Variants in TEF observed in about 807,000 individuals in gnomAD.
TEF encodes the protein thyrotroph embryonic factor.
In TEF, 3 loss-of-function variants were observed where a neutral mutation model predicts 20.8. The observed-to-expected ratio is 0.14, with a 90% confidence interval of 0.07 to 0.37. TEF has a LOEUF of 0.37. TEF is among the 10% of genes least tolerant of loss of function. The pLI, the probability that TEF is intolerant of heterozygous loss-of-function variation, is 1.00. For missense variants in TEF, 296 were observed against 397.9 expected, an observed-to-expected ratio of 0.74 and a Z score of 2.18; for synonymous variants, 180 against 171.1, an observed-to-expected ratio of 1.05 and a Z score of -0.41.
At position 41,372,709 on chromosome 22, in the gene TEF, C is replaced by T. The variant is rs2036897037; in HGVS notation, c.67+5110C>T. On this transcript the variant is annotated intron_variant, in intron 1 of 3. Transcript: ENST00000406644. ...CCCGGGGTGAATGAAACCAACTCTA[C>T]TCTTGCTCCCCTGGTGTTTGGATTC... Among the ~76,000 whole-genome samples, 3 of 152,234 alleles carry T rather than the reference C, an allele frequency of 2.0e-5. No individual in the cohort carries two copies. In the South Asian group the frequency reaches 6.2e-4, roughly 32 times the overall value.
chr22:41,390,873 C>G (rs1382679213), intron 2 of TEF, among the ~76,000 whole-genome samples: 1 of 152,172 alleles, frequency 6.6e-6, no homozygotes, highest in African/African-American at 2.4e-5. Flanking sequence ...CCCCAGGCCT[C>G]TTTGCAAATT....
chr22:41,381,656 A>G (rs1057122714), upstream of TEF, among the ~76,000 whole-genome samples: 2 of 152,020 alleles, frequency 1.3e-5, no homozygotes, highest in Non-Finnish European at 2.9e-5. Context: ...GACCGCGCCG[A>G]GGAAGGCCCA....
chr22:41,395,762 A>C lies in TEF; in HGVS notation c.714A>C (p.Thr238=), dbSNP rs758346074. ...CCCCACAGGATGAAAAGTACTGGAC[A>C]AGACGCAAGAAGAACAACGTGGCAG... ...PDEQKDEKYW[T]RRKKNNVAAK... The change falls in exon 4 of 4, where the codon ACA becomes ACC. Residue 238 remains threonine (T), a synonymous_variant. Coordinates refer to ENST00000266304, the MANE Select transcript of TEF (RefSeq NM_003216.4). The C allele has an allele frequency of 3.1e-6, 5 of 1,614,108 alleles. No homozygotes were observed. In the South Asian group the frequency reaches 5.5e-5, roughly 18 times the overall value.
At chr22:41,395,538 G>T (rs893966942) in intron 3 of TEF, among the ~76,000 whole-genome samples, 1 of 152,064 alleles carries the variant, frequency 6.6e-6, no homozygotes, top group Non-Finnish European at 1.5e-5. Flanking sequence ...ACCATGTAAC[G>T]TACCAAATAA....
upstream of TEF, among the ~76,000 whole-genome samples, chr22:41,379,998 A>AG (rs1048438276): frequency 1.3e-5 from 2 of 152,050 alleles, no homozygotes; most frequent in Admixed American, 6.6e-5. Flanking sequence ...AAAATGACTG[A>AG]GGTTCAATTA....
intron 1 of TEF, among the ~76,000 whole-genome samples, chr22:41,383,425 T>C (rs949467341): frequency 6.6e-6 from 1 of 152,210 alleles, no homozygotes; most frequent in African/African-American, 2.4e-5. Context: ...TGTTTGAAAT[T>C]ACCAGGTAAT....
rs772869032 is a variant in TEF, at chr22:41,387,447, A to G, written c.254A>G (p.Lys85Arg). ...TCCCTCATGCCACCCATCTGGGACA[A>G]GACCATCCCATATGATGGCGAATCT... ...SASLMPPIWD[K>R]TIPYDGESFH... The change falls in exon 2 of 4, where the codon AAG becomes AGG. Residue 85 changes from lysine to arginine, a missense_variant. By Grantham distance (26) the Lys-to-Arg change is conservative (BLOSUM62 2). This residue lies in a region of TEF where 194 missense variants were observed against 317.8 expected (regional missense o/e 0.61). Transcript: ENST00000266304. The G allele has an allele frequency of 1.9e-6, 3 of 1,614,188 alleles. No homozygotes were observed. Among genetic ancestry groups the G allele is most frequent in the South Asian group, 2.2e-5 (2 of 91,082 alleles).
intron 2 of TEF, among the ~76,000 whole-genome samples, chr22:41,391,350 C>A (rs2037163349): frequency 6.8e-6 from 1 of 146,536 alleles, no homozygotes; most frequent in Admixed American, 7.1e-5. Context: ...TTTTTTAAGA[C>A]AGTCTTATTC....
Position 41,396,174 on chromosome 22 carries a change from G to A in TEF, c.*214G>A, listed in dbSNP as rs768479967. 9.0e-6 allele frequency: 5 copies of A among 556,090 alleles called. No homozygotes were observed. Among genetic ancestry groups the A allele is most frequent in the Non-Finnish European group, 1.6e-5 (5 of 311,536 alleles). The allele number at this position is 556,090 out of a possible 1,614,324, so 34.4% of individuals were successfully genotyped here. A position where few individuals can be genotyped will look rare whatever the true frequency, so the allele number is the denominator to read the frequency against. ...GCCAGTCTCCTCACTGGTGGGGAACGCAAGAGAATCTGCGTAGATGGGTGA... is the reference window on the plus strand; with the variant it reads ...GCCAGTCTCCTCACTGGTGGGGAACACAAGAGAATCTGCGTAGATGGGTGA... On this transcript the variant is annotated 3_prime_UTR_variant, in exon 4 of 4. Transcript: ENST00000266304.
chr22:41,391,976 A>T (rs766354621), intron 2 of TEF, among the ~76,000 whole-genome samples: 3 of 152,128 alleles, frequency 2.0e-5, no homozygotes, highest in Non-Finnish European at 4.4e-5. Flanking sequence ...AGCTTTCCCC[A>T]CTAGAATAAC....
chr22:41,392,012 C>A (rs1421554123), intron 2 of TEF, among the ~76,000 whole-genome samples: 1 of 152,192 alleles, frequency 6.6e-6, no homozygotes, highest in Non-Finnish European at 1.5e-5. Flanking sequence ...GGATTTTTAG[C>A]TGTTTGTTAA....
At chr22:41,379,893 CA>C (rs1221059649), upstream of TEF, among the ~76,000 whole-genome samples, 151 of 45,094 alleles carry the variant, frequency 3.3e-3, no homozygotes, top group African/African-American at 6.4e-3. Context: ...AACTCCGTCT[CA>C]AAAAAAAAAA....
intron 1 of TEF, chr22:41,369,302 G>A: frequency 1.0e-6 from 1 of 960,870 alleles, no homozygotes. Context: ...TGGCACATAG[G>A]GGACCGCCCA....
intron 1 of TEF, among the ~76,000 whole-genome samples, chr22:41,368,462 C>T (rs60992386): frequency 0.028 from 4,209 of 152,170 alleles, 164 homozygotes; most frequent in African/African-American, 0.09. Context: ...CCTAGCATCA[C>T]CAGGTGGCCC....
At position 41,396,077 on chromosome 22, in the gene TEF, A is replaced by T. The variant is rs1601827213; in HGVS notation, c.*117A>T. 4 of 1,168,388 alleles carry T rather than the reference A, an allele frequency of 3.4e-6. No individual in the cohort carries two copies. Among genetic ancestry groups the T allele is most frequent in the South Asian group, 3.1e-5 (2 of 65,354 alleles). The allele number at this position is 1,168,388 out of a possible 1,614,324, so 72.4% of individuals were successfully genotyped here. A position where few individuals can be genotyped will look rare whatever the true frequency, so the allele number is the denominator to read the frequency against. ...ACTCGTCGTGGGCGCATGGCGGCGC[A>T]CCTGCTGCAGGAGCGGCCACGTCTC... On this transcript the variant is annotated 3_prime_UTR_variant, in exon 4 of 4. Transcript: ENST00000266304.
Position 41,387,664 on chromosome 22 carries a change from C to T in TEF, c.471C>T (p.Ser157=). 1 of 1,611,508 alleles carries T rather than the reference C, an allele frequency of 6.2e-7. No individual in the cohort carries two copies. Among genetic ancestry groups the T allele is most frequent in the Non-Finnish European group, 8.5e-7 (1 of 1,178,202 alleles). ...AIFQPSETVS[S]TESSLEKERE... is the part of the protein sequence containing the mutation. ...TTCAGCCCTCTGAAACCGTGTCCAG[C>T]ACAGGTTGGTGAAAGGCCATCGAGG... is the stretch of plus-strand genomic sequence containing the variant. Residue 157 remains serine, a synonymous_variant, in exon 2 of 4, where the codon AGC becomes AGT. Coordinates refer to ENST00000266304, the MANE Select transcript of TEF (RefSeq NM_003216.4).
intron 2 of TEF, among the ~76,000 whole-genome samples, chr22:41,388,458 G>A (rs1455452489): frequency 2.6e-5 from 4 of 151,928 alleles, no homozygotes; most frequent in Non-Finnish European, 5.9e-5. Flanking sequence ...CTGACCTCAG[G>A]TGATCGACCT....
Position 41,397,741 on chromosome 22 carries a change from A to G in TEF, c.*1781A>G, listed in dbSNP as rs997706319. ...TCACTCTATTGTAACCACACAGGGC[A>G]GGCGCATCCAGCATGTCAGTGTCCT... On this transcript the variant is annotated 3_prime_UTR_variant, in exon 4 of 4. Coordinates refer to ENST00000266304, the MANE Select transcript of TEF (RefSeq NM_003216.4). 9.9e-5 allele frequency: 15 copies of G among 152,228 alleles called. No individual in the cohort carries two copies. The highest frequency in any genetic ancestry group is 3.1e-4 in the African/African-American group (13 of 41,460). The allele number at this position is 152,228 out of a possible 1,614,324, so 9.4% of individuals were successfully genotyped here.
chr22:41,379,025 T>C (rs1476398671), upstream of TEF, among the ~76,000 whole-genome samples: 1 of 152,224 alleles, frequency 6.6e-6, no homozygotes, highest in South Asian at 2.1e-4. Flanking sequence ...ACTGTGCGCC[T>C]ACGCAAATTG....
Sources: allele counts gnomAD v4.1 joint callset (sites outside exome capture counted in the v4.1 genomes callset), GRCh38; gene constraint gnomAD v4.1.1; regional missense constraint gnomAD v4.1.1; transcripts MANE v1.5; gene names NCBI Gene and HGNC (gene_info 2026-07-23, HGNC 2026-07-21).